NAF1: variants seen among roughly 807,000 people sequenced by gnomAD.
NAF1 encodes H/ACA ribonucleoprotein complex non-core subunit NAF1.
NAF1 carries 11 observed loss-of-function variants against 40.6 expected under a neutral mutation model. That is an observed-to-expected ratio of 0.27 (90% confidence interval 0.17 to 0.45). The LOEUF (loss-of-function observed/expected upper bound fraction) is 0.45. Ranked by LOEUF, NAF1 falls within the 20% of genes least tolerant of loss-of-function variation. The pLI is 1.00. For missense variants in NAF1, 607 were observed against 611.1 expected, an observed-to-expected ratio of 0.99 and a Z score of 0.07; for synonymous variants, 260 against 228.5, an observed-to-expected ratio of 1.14 and a Z score of -1.24.
At chr4:163,159,768 T>A (rs189375531) in intron 2 of NAF1, among the ~76,000 whole-genome samples, 17 of 152,252 alleles carry the variant, frequency 1.1e-4, no homozygotes, top group African/African-American at 3.9e-4. Context: ...AAATTGCCAA[T>A]AAGCATTAAT....
At chr4:163,127,179 G>C, downstream of NAF1, 3 of 1,515,148 alleles carry the variant, frequency 2.0e-6, no homozygotes, top group South Asian at 3.9e-5. Flanking sequence ...ACCCAGGCTG[G>C]AGTGCAATGG....
intron 2 of NAF1, among the ~76,000 whole-genome samples, chr4:163,161,565 G>A (rs1273630225): frequency 6.6e-6 from 1 of 152,074 alleles, no homozygotes; most frequent in East Asian, 1.9e-4. Context: ...AGAACTGTGA[G>A]ACTATCCAGA....
intron 2 of NAF1, among the ~76,000 whole-genome samples, chr4:163,161,925 C>T (rs1224710031): frequency 6.6e-6 from 1 of 152,116 alleles, no homozygotes; most frequent in Admixed American, 6.5e-5. Context: ...CTGGCTGTTA[C>T]GCACTCCCAC....
intron 2 of NAF1, among the ~76,000 whole-genome samples, chr4:163,163,786 A>T (rs970197190): frequency 3.3e-5 from 5 of 152,276 alleles, no homozygotes; most frequent in African/African-American, 1.2e-4. Flanking sequence ...CTCTAAATGC[A>T]GTCAATTAAA....
chr4:163,140,957 A>G (rs1731237103), intron 4 of NAF1, among the ~76,000 whole-genome samples: 1 of 152,240 alleles, frequency 6.6e-6, no homozygotes. Context: ...CATTTAACTA[A>G]AAGAACTGCT....
At chr4:163,135,283 T>C (rs1026711586) in intron 6 of NAF1, 2 of 152,182 alleles carry the variant, frequency 1.3e-5, no homozygotes, top group Admixed American at 6.5e-5. Context: ...CAGGCAATAA[T>C]TCTAGACTAC....
intron 2 of NAF1, among the ~76,000 whole-genome samples, chr4:163,159,718 A>G (rs988516465): frequency 6.6e-6 from 1 of 152,168 alleles, no homozygotes; most frequent in Non-Finnish European, 1.5e-5. Flanking sequence ...TATTTTATAA[A>G]ATAAGCAGTC....
At chr4:163,164,451 A>T in intron 1 of NAF1, 60 bp from the exon 2 acceptor site, 1 of 1,172,622 alleles carries the variant, frequency 8.5e-7, no homozygotes, top group Non-Finnish European at 1.1e-6. Context: ...TATTAAAATA[A>T]GATTATTCAA....
At chr4:163,120,792 T>C (rs1005520050) in intron 2 of NAF1, among the ~76,000 whole-genome samples, 1 of 152,202 alleles carries the variant, frequency 6.6e-6, no homozygotes, top group African/African-American at 2.4e-5. Context: ...GGTAATTGCA[T>C]ATATCTAGTC....
intron 2 of NAF1, among the ~76,000 whole-genome samples, chr4:163,150,639 G>C (rs1020870380): frequency 4.9e-4 from 75 of 151,894 alleles, no homozygotes; most frequent in African/African-American, 1.8e-3. Flanking sequence ...TAAACACTTA[G>C]GATATTCCAC....
rs372891113 is a variant in NAF1, at chr4:163,129,004, G to A, written c.1378C>T (p.Pro460Ser). The change falls in exon 8 of 8, where the codon CCA becomes TCA. Residue 460 changes from proline to serine, a missense_variant. Physicochemically the swap from Pro to Ser is moderately conservative, Grantham distance 74 (BLOSUM62 -1). This residue lies in a region of NAF1 where 189 missense variants were observed against 216.6 expected (regional missense o/e 0.87). Coordinates refer to ENST00000274054, the MANE Select transcript of NAF1 (RefSeq NM_138386.3). ...AGGGAGTATGGTAAGTTAAGTAATG[G>A]ATGAGCAGCCATGTTTGGTGTAGCC... The part of the protein sequence containing the change: ...GWATPNMAAH[P>S]LLNLPYSLPP... 60 of 1,464,924 alleles carry A rather than the reference G, an allele frequency of 4.1e-5. 1 individual carries two copies. Among genetic ancestry groups the A allele is most frequent in the Middle Eastern group, 4.9e-4 (2 of 4,104 alleles). 90.7% of individuals were successfully genotyped at this position (1,464,924 alleles called of 1,614,324 possible). A position where few individuals can be genotyped will look rare whatever the true frequency, so the allele number is the denominator to read the frequency against.
downstream of NAF1, chr4:163,127,208 C>T: frequency 7.2e-7 from 1 of 1,392,898 alleles, no homozygotes; most frequent in South Asian, 1.7e-5. Flanking sequence ...CAGCTCATTG[C>T]AACCTCTGCC....
chr4:163,154,087 C>A (rs1731865148), intron 2 of NAF1, among the ~76,000 whole-genome samples: 1 of 152,040 alleles, frequency 6.6e-6, no homozygotes, highest in Admixed American at 6.5e-5. Context: ...GGAAGAAACT[C>A]CGAACACATC....
intron 2 of NAF1, among the ~76,000 whole-genome samples, chr4:163,150,684 G>A (rs997102123): frequency 6.6e-6 from 1 of 151,942 alleles, no homozygotes; most frequent in Non-Finnish European, 1.5e-5. Flanking sequence ...CTAGCTGCCT[G>A]ACACAACATA....
Position 163,166,527 on chromosome 4 carries a change from C to A in NAF1, c.201G>T (p.Leu67=). Reference sequence around the variant, plus strand: ...CCGCGACGGCGTTCAGAACGGGCTGCAGAGGCTGCTCCCCGGCAGGCTTAA... The same window carrying A: ...CCGCGACGGCGTTCAGAACGGGCTGAAGAGGCTGCTCCCCGGCAGGCTTAA... The part of the protein sequence containing the change: ...VEVKPAGEQP[L]QPVLNAVAAG... Residue 67 remains leucine, a synonymous_variant, in exon 1 of 8, where the codon CTG becomes CTT. Coordinates refer to ENST00000274054, the MANE Select transcript of NAF1 (RefSeq NM_138386.3). The A allele has an allele frequency of 6.3e-7, 1 of 1,594,764 alleles. No homozygotes were observed. Among genetic ancestry groups the A allele is most frequent in the Non-Finnish European group, 8.5e-7 (1 of 1,170,952 alleles).
intron 2 of NAF1, among the ~76,000 whole-genome samples, chr4:163,153,756 G>C (rs554642634): frequency 6.0e-4 from 92 of 152,306 alleles, no homozygotes; most frequent in Middle Eastern, 6.8e-3. Context: ...CAGGATGTGG[G>C]TGGGGCCAGA....
chr4:163,129,027 G>GCCCAGC lies in NAF1; in HGVS notation c.1354_1355insGCTGGG (p.Gly450_Trp451dup), dbSNP rs1362253949. On this transcript the variant is annotated inframe_insertion, in exon 8 of 8. Coordinates refer to ENST00000274054, the MANE Select transcript of NAF1 (RefSeq NM_138386.3). ...TGGATGAGCAGCCATGTTTGGTGTA[G>GCCCAGC]CCCAACCCATGTTTACAGGTGGGGG... 3 of 1,209,626 alleles carry GCCCAGC rather than the reference G, an allele frequency of 2.5e-6. No homozygotes were observed. The highest frequency in any genetic ancestry group is 3.2e-6 in the Non-Finnish European group (3 of 931,736). 74.9% of individuals were successfully genotyped at this position (1,209,626 alleles called of 1,614,324 possible).
At chr4:163,138,044 C>A (rs959116314) in intron 5 of NAF1, among the ~76,000 whole-genome samples, 1 of 151,812 alleles carries the variant, frequency 6.6e-6, no homozygotes, top group African/African-American at 2.4e-5. Flanking sequence ...TTTTGTTATT[C>A]CATTATGTTA....
chr4:163,115,199 A>ATTTTTTTTTTTTTTT lies in NAF1; in HGVS notation c.115-4910_115-4909insAAAAAAAAAAAAAAA, dbSNP rs201172406. 2.9e-5 allele frequency among the ~76,000 whole-genome samples: 3 copies of ATTTTTTTTTTTTTTT among 103,708 alleles called. 1 individual carries two copies. The highest frequency in any genetic ancestry group is 3.9e-5 in the African/African-American group (1 of 25,744). The allele number at this position is 103,708 out of a possible 152,430, so 68.0% of individuals were successfully genotyped here. ...ATACTATTGGCGATATAGGACAATA[A>ATTTTTTTTTTTTTTT]TTTTTTTATTTATTTTTTTTTTTTT... On this transcript the variant is annotated intron_variant, in intron 2 of 2. Coordinates refer to the NAF1 transcript ENST00000509434.
Sources: gnomAD v4.1 joint callset for allele counts (sites outside exome capture counted in the v4.1 genomes callset) on GRCh38, gnomAD v4.1.1 for gene constraint, gnomAD v4.1.1 regional missense constraint, MANE v1.5 for transcripts, NCBI Gene and HGNC (gene_info 2026-07-23, HGNC 2026-07-21) for gene names.